SULT1B1: variants seen among roughly 807,000 people sequenced by gnomAD.
SULT1B1 encodes the protein sulfotransferase 1B1.
In SULT1B1, 28 loss-of-function variants were observed where a neutral mutation model predicts 34.6. The observed-to-expected ratio is 0.81, with a 90% CI of 0.60 to 1.11. The LOEUF (loss-of-function observed/expected upper bound fraction) is 1.11, where lower values mean the gene tolerates loss of function less well. Ranked by LOEUF, SULT1B1 falls within the 50% of genes least tolerant of loss-of-function variation. The pLI, the probability that SULT1B1 is intolerant of heterozygous loss-of-function variation, is 0.00. For synonymous variants in SULT1B1, 147 were observed against 110.2 expected (o/e 1.33, Z -2.09); for missense variants, 374 against 352.2 (o/e 1.06, Z -0.50).
intron 6 of SULT1B1, among the ~76,000 whole-genome samples, chr4:69,732,327 C>G (rs974671184): frequency 6.6e-6 from 1 of 152,122 alleles, no homozygotes; most frequent in African/African-American, 2.4e-5. Context: ...CGAGAAACCC[C>G]TGGGAGTTTC....
At position 69,755,163 on chromosome 4, in the gene SULT1B1, G is replaced by C. The variant is rs139481063; in HGVS notation, c.55C>G (p.Pro19Ala). Residue 19 changes from proline to alanine, a missense_variant, in exon 2 of 8, where the codon CCC (proline) becomes GCC (alanine). By Grantham distance (27) the Pro-to-Ala change is conservative. Coordinates refer to ENST00000310613, the MANE Select transcript of SULT1B1 (RefSeq NM_014465.4). The stretch of plus-strand genomic sequence containing the variant: ...TTGCTTGCAAAAGCACAGGTCATGG[G>C]ATAACCATGGACCAACTTCAGATCT... ...RKDLKLVHGY[P>A]MTCAFASNWE... The C allele has an allele frequency of 2.5e-6, 4 of 1,613,676 alleles. No homozygotes were observed. The highest frequency in any genetic ancestry group is 1.3e-5 in the African/African-American group (1 of 74,914).
rs761220205 is a variant in SULT1B1, at chr4:69,727,200, C to A, written c.779G>T (p.Gly260Val). The A allele has an allele frequency of 5.0e-6, 8 of 1,600,810 alleles. No individual in the cohort carries two copies. The Admixed American group carries it at 1.4e-4, about 28-fold the overall frequency. The stretch of plus-strand genomic sequence containing the variant: ...GTAATTCTTCCAGTCACCAGCCGTC[C>A]CTAAAGGTAAATAAAAAAACATAGG... ...DHSKSPFMRK[G>V]TAGDWKNYFT... Residue 260 changes from glycine to valine, a missense_variant and splice_region_variant, in exon 8 of 8, where the codon GGG becomes GTG. By Grantham distance (109) the Gly-to-Val change is moderately radical. Transcript: ENST00000310613.
intron 1 of SULT1B1, chr4:69,758,158 C>T (rs1719260978): frequency 3.7e-6 from 1 of 272,650 alleles, no homozygotes; most frequent in Admixed American, 6.5e-5. Flanking sequence ...AAGAAAGGAA[C>T]AATTAATGTG....
At chr4:69,729,587 G>C (rs1717981957) in intron 7 of SULT1B1, among the ~76,000 whole-genome samples, 1 of 152,048 alleles carries the variant, frequency 6.6e-6, no homozygotes, top group Admixed American at 6.6e-5. Flanking sequence ...AGAAAAGAAA[G>C]AGCACAATTT....
chr4:69,756,131 A>G (rs769901283), intron 1 of SULT1B1, among the ~76,000 whole-genome samples: 13 of 152,162 alleles, frequency 8.5e-5, no homozygotes, highest in Admixed American at 6.5e-4. Flanking sequence ...TTCAATTTCA[A>G]TATGTTTATT....
chr4:69,748,903 A>C (rs377427425), intron 4 of SULT1B1, among the ~76,000 whole-genome samples: 2 of 152,142 alleles, frequency 1.3e-5, no homozygotes, highest in African/African-American at 4.8e-5. Flanking sequence ...TATTTTAGAA[A>C]ATAGGAAAGA....
chr4:69,743,959 C>A (rs936171490), intron 4 of SULT1B1, among the ~76,000 whole-genome samples: 7 of 152,158 alleles, frequency 4.6e-5, no homozygotes, highest in Admixed American at 4.6e-4. Flanking sequence ...GAAGGCAGTG[C>A]TCCTGCCTGC....
At position 69,754,173 on chromosome 4, in the gene SULT1B1, C is replaced by T. The variant is rs116636680; in HGVS notation, c.277+497G>A. ...TGACATATTGTTATTTACTTTTTGA[C>T]GTCACAATATTGCTGTAAGCTCCCT... On this transcript the variant is annotated intron_variant, in intron 3 of 7. Transcript: ENST00000310613. Among the ~76,000 whole-genome samples, 1,072 of 152,136 alleles carry T rather than the reference C, an allele frequency of 7.0e-3. 5 individuals carry two copies. Among genetic ancestry groups the T allele is most frequent in the Non-Finnish European group, 0.011 (726 of 67,988 alleles).
chr4:69,754,893 A>G (rs1719129742), intron 2 of SULT1B1, 95 bp from the exon 3 acceptor site: 1 of 1,421,944 alleles, frequency 7.0e-7, no homozygotes. Flanking sequence ...AACACATTCT[A>G]TTACAAACTT....
chr4:69,739,129 C>T (rs1388656456), intron 4 of SULT1B1, among the ~76,000 whole-genome samples: 1 of 152,134 alleles, frequency 6.6e-6, no homozygotes, highest in Non-Finnish European at 1.5e-5. Flanking sequence ...TTTCCAAGTG[C>T]AAAGTGCAAC....
At position 69,734,119 on chromosome 4, in the gene SULT1B1, T is replaced by C; in HGVS notation, c.502+19A>G. The C allele has an allele frequency of 6.4e-7, 1 of 1,552,680 alleles. No homozygotes were observed. Among genetic ancestry groups the C allele is most frequent in the Non-Finnish European group, 8.7e-7 (1 of 1,151,066 alleles). On this transcript the variant is annotated intron_variant, in intron 5 of 7. Coordinates refer to ENST00000310613, the MANE Select transcript of SULT1B1 (RefSeq NM_014465.4). Reference sequence around the variant, plus strand: ...TAAAATAAAAAATACTTATCAATTTTAAGATAAAGTCCACATACCTTTTCC... The same window carrying C: ...TAAAATAAAAAATACTTATCAATTTCAAGATAAAGTCCACATACCTTTTCC...
chr4:69,758,317 A>G, intron 1 of SULT1B1: 2 of 985,428 alleles, frequency 2.0e-6, no homozygotes, highest in Non-Finnish European at 2.4e-6. Flanking sequence ...GAATCTTTTG[A>G]TATCTTGAGA....
At chr4:69,752,114 C>T (rs1029939120) in intron 3 of SULT1B1, among the ~76,000 whole-genome samples, 1 of 152,170 alleles carries the variant, frequency 6.6e-6, no homozygotes, top group Non-Finnish European at 1.5e-5. Context: ...ATTTTAAGTC[C>T]TTGACAAATG....
At chr4:69,743,810 C>G (rs1718645372) in intron 4 of SULT1B1, among the ~76,000 whole-genome samples, 1 of 152,198 alleles carries the variant, frequency 6.6e-6, no homozygotes, top group African/African-American at 2.4e-5. Context: ...GGAGTGTGTT[C>G]CGCGAGCGGG....
chr4:69,741,897 A>G (rs1342135160), intron 4 of SULT1B1, among the ~76,000 whole-genome samples: 1 of 152,106 alleles, frequency 6.6e-6, no homozygotes, highest in Admixed American at 6.6e-5. Context: ...TGATTGCTTC[A>G]GCTAGATCTT....
At position 69,733,458 on chromosome 4, in the gene SULT1B1, CT is replaced by C. The variant is rs746354390; in HGVS notation, c.551del (p.Lys184ArgfsTer14). The C allele has an allele frequency of 3.7e-6, 6 of 1,608,234 alleles. No individual in the cohort carries two copies. The Admixed American group carries it at 1.0e-4, about 27-fold the overall frequency. ...ACAAAAAAAGTATTGGGTGTTCTTC[CT>C]TTTTCTTCCACCAGTTTTTAACATG... ...FTHVKNWWKKKEEHPILFLYY... is the reference protein window; with the variant it reads ...FTHVKNWWKKXEEHPILFLYY... On this transcript the variant is annotated frameshift_variant, in exon 6 of 8. Transcript: ENST00000310613. LOFTEE classifies it high-confidence loss of function.
chr4:69,754,076 C>A (rs1360953781), intron 3 of SULT1B1, among the ~76,000 whole-genome samples: 1 of 152,156 alleles, frequency 6.6e-6, no homozygotes, highest in Admixed American at 6.5e-5. Flanking sequence ...CTTTATTACC[C>A]ACTTAAAGTA....
chr4:69,746,178 A>G (rs1312858382), intron 4 of SULT1B1, among the ~76,000 whole-genome samples: 1 of 152,024 alleles, frequency 6.6e-6, no homozygotes, highest in East Asian at 1.9e-4. Context: ...CTTTCACTCT[A>G]TATTTTGGGA....
chr4:69,734,167 T>C lies in SULT1B1; in HGVS notation c.473A>G (p.Glu158Gly). Residue 158 changes from glutamate to glycine, a missense_variant, in exon 5 of 8, where the codon GAA becomes GGA. Coordinates refer to ENST00000310613, the MANE Select transcript of SULT1B1 (RefSeq NM_014465.4). The part of the protein sequence containing the change: ...NLQPFPGTWE[E>G]YLEKFLTGKV... ...TCCAGTTAAGAATTTCTCCAGATATTCTTCCCAGGTACCAGGAAAAGGCTG... is the reference window on the plus strand; with the variant it reads ...TCCAGTTAAGAATTTCTCCAGATATCCTTCCCAGGTACCAGGAAAAGGCTG... 1.2e-6 allele frequency: 2 copies of C among 1,611,450 alleles called. No homozygotes were observed.
Sources: gnomAD v4.1 joint callset for allele counts (sites outside exome capture counted in the v4.1 genomes callset) on GRCh38, gnomAD v4.1.1 for gene constraint, MANE v1.5 for transcripts, NCBI Gene and HGNC (gene_info 2026-07-23, HGNC 2026-07-21) for gene names.